The following SLC26A11 variants were observed in gnomAD, a reference collection of about 807,000 sequenced individuals.
SLC26A11 encodes sodium-independent sulfate anion transporter.
In SLC26A11, 58 loss-of-function variants were observed where a neutral mutation model predicts 62.2. That is an observed-to-expected ratio of 0.93 (90% CI 0.76 to 1.16). SLC26A11 has a LOEUF of 1.16. SLC26A11 is among the 50% of genes most tolerant of loss of function. The pLI, the probability that SLC26A11 is intolerant of heterozygous loss-of-function variation, is 0.00. For synonymous variants in SLC26A11, 411 were observed against 368.9 expected (o/e 1.11, Z -1.31); for missense variants, 790 against 794.3 (o/e 0.99, Z 0.06).
At chr17:80,237,734 A>G (rs2042738010) in intron 9 of SLC26A11, 140 bp downstream of exon 9, 1 of 770,224 alleles carries the variant, frequency 1.3e-6, no homozygotes, top group East Asian at 2.7e-5. Context: ...CATGATAGAT[A>G]CATATGTATT....
chr17:80,237,264 G>A (rs552634241), intron 8 of SLC26A11, 161 bp downstream of exon 8: 3 of 954,214 alleles, frequency 3.1e-6, no homozygotes, highest in Non-Finnish European at 4.5e-6. Context: ...ATCCCAGGTT[G>A]GATGCAAACT....
chr17:80,227,851 G>T lies in SLC26A11; in HGVS notation c.627G>T (p.Met209Ile), dbSNP rs750562857. 2.5e-6 allele frequency: 4 copies of T among 1,600,042 alleles called. No homozygotes were observed. The South Asian group carries it at 3.3e-5, about 13-fold the overall frequency. The change falls in exon 7 of 18, where the codon ATG becomes ATT. Residue 209 changes from methionine (M) to isoleucine (I), a missense_variant. Coordinates refer to ENST00000361193, the MANE Select transcript of SLC26A11 (RefSeq NM_001166347.2). ...VGDAVLGLVC[M>I]LLLLVLKLMR... ...ACGCCGTCCTGGGGCTGGTCTGCAT[G>T]CTGCTGCTGCTGGTGCTGAAGCTGA...
chr17:80,227,955 C>T lies in SLC26A11; in HGVS notation c.731C>T (p.Thr244Met), dbSNP rs756825706. Reference protein sequence around the residue: ...RLSRGLVWAATTARNALVVSF... With the variant: ...RLSRGLVWAAMTARNALVVSF... Reference sequence around the variant, plus strand: ...AGCCGTGGGCTGGTCTGGGCTGCCACGACAGGTGAGGGGCCTCTGGCTGAC... The same window carrying T: ...AGCCGTGGGCTGGTCTGGGCTGCCATGACAGGTGAGGGGCCTCTGGCTGAC... Residue 244 changes from threonine (T) to methionine (M), a missense_variant, in exon 7 of 18, where the codon ACG becomes ATG. Thr to Met is a moderately conservative substitution (Grantham distance 81). Coordinates refer to ENST00000361193, the MANE Select transcript of SLC26A11 (RefSeq NM_001166347.2). The T allele has an allele frequency of 1.0e-5, 16 of 1,599,702 alleles. No homozygotes were observed. The highest frequency in any genetic ancestry group is 3.3e-5 in the Admixed American group (2 of 59,954).
At chr17:80,249,725 G>A (rs1411698106) in intron 16 of SLC26A11, among the ~76,000 whole-genome samples, 3 of 151,216 alleles carry the variant, frequency 2.0e-5, no homozygotes, top group Non-Finnish European at 2.9e-5. Flanking sequence ...GGCCAACATG[G>A]TGAAACCCCG....
chr17:80,222,845 T>G lies in SLC26A11; in HGVS notation c.425T>G (p.Leu142Trp). The G allele has an allele frequency of 6.2e-7, 1 of 1,613,808 alleles. No homozygotes were observed. The highest frequency in any genetic ancestry group is 8.5e-7 in the Non-Finnish European group (1 of 1,179,840). ...CAGCTGGCCATGGGGGTCCTGCGTT[T>G]GGGTGAGGCTCTACCTTCTTGCCAA... ...CIQLAMGVLR[L>W]GFLLDFISYP... Residue 142 changes from leucine (L) to tryptophan (W), a missense_variant and splice_region_variant, in exon 4 of 18, where the codon TTG becomes TGG. Transcript: ENST00000361193. This position sits in a 1 kb window ranked among gnomAD's most constrained non-coding sequence, Gnocchi z 4.7.
chr17:80,243,382 C>A (rs1417078370), intron 10 of SLC26A11, among the ~76,000 whole-genome samples: 1 of 150,056 alleles, frequency 6.7e-6, no homozygotes, highest in Non-Finnish European at 1.5e-5. Context: ...GCATCCCATT[C>A]CCATTACTTT....
At position 80,248,611 on chromosome 17, in the gene SLC26A11, A is replaced by G. The variant is rs566876893; in HGVS notation, c.1459A>G (p.Ser487Gly). The G allele has an allele frequency of 1.5e-5, 24 of 1,590,884 alleles. No individual in the cohort carries two copies. The African/African-American group carries it at 2.0e-4, about 13-fold the overall frequency. The part of the protein sequence containing the change: ...EGPVLVLQPA[S>G]GLSFPAMEAL... Reference sequence around the variant, plus strand: ...GCCGGTTCTGGTCCTGCAGCCGGCCAGCGGCCTGTCCTTCCCTGCCATGGA... The same window carrying G: ...GCCGGTTCTGGTCCTGCAGCCGGCCGGCGGCCTGTCCTTCCCTGCCATGGA... Residue 487 changes from serine (S) to glycine (G), a missense_variant, in exon 15 of 18, where the codon AGC (serine) becomes GGC (glycine). By Grantham distance (56) the Ser-to-Gly change is moderately conservative. Transcript: ENST00000361193.
At chr17:80,249,484 GGCCCCCA>G (rs1373099191) in intron 16 of SLC26A11, among the ~76,000 whole-genome samples, 197 bp downstream of exon 16, 1 of 152,220 alleles carries the variant, frequency 6.6e-6, no homozygotes, top group East Asian at 1.9e-4. Context: ...GGGGAGCGGT[GGCCCCCA>G]GCCCTCCGAG....
intron 14 of SLC26A11, 133 bp from the exon 15 acceptor site, chr17:80,248,442 G>T (rs1598844015): frequency 8.0e-7 from 1 of 1,250,186 alleles, no homozygotes; most frequent in African/African-American, 1.5e-5. Flanking sequence ...GGCCATGGGG[G>T]TCTCCCCTTA....
intron 6 of SLC26A11, 110 bp downstream of exon 6, chr17:80,226,026 C>T: frequency 2.1e-6 from 2 of 934,892 alleles, no homozygotes; most frequent in Non-Finnish European, 3.4e-6. Flanking sequence ...AAACAGGGGT[C>T]CCCAGAGCAG....
At position 80,252,565 on chromosome 17, in the gene SLC26A11, A is replaced by C; in HGVS notation, c.1730-60A>C. 1 of 1,537,302 alleles carries C rather than the reference A, an allele frequency of 6.5e-7. No individual in the cohort carries two copies. Reference sequence around the variant, plus strand: ...GGCCCTCCTTAATCCCTTCCTGTGAACTGACCCATCCTCACTTCTGAGCTT... The same window carrying C: ...GGCCCTCCTTAATCCCTTCCTGTGACCTGACCCATCCTCACTTCTGAGCTT... On this transcript the variant is annotated intron_variant, in intron 17 of 17. Coordinates refer to ENST00000361193, the MANE Select transcript of SLC26A11 (RefSeq NM_001166347.2). The surrounding 1 kb of genome is among the most constrained non-coding windows in gnomAD (Gnocchi z 5.2).
At position 80,224,599 on chromosome 17, in the gene SLC26A11, G is replaced by C. The variant is rs571003137; in HGVS notation, c.514-1238G>C. ...TTATCATTATTTCCATTTGAGAGAG[G>C]AGGGACCAACTTAGGTGTGGGTGAG... is the stretch of plus-strand genomic sequence containing the variant. On this transcript the variant is annotated intron_variant, in intron 5 of 17. Transcript: ENST00000361193. Among the ~76,000 whole-genome samples, 53 of 152,268 alleles carry C rather than the reference G, an allele frequency of 3.5e-4. 1 individual carries two copies. The South Asian group carries it at 6.0e-3, about 17-fold the overall frequency.
chr17:80,248,278 A>G, intron 14 of SLC26A11, 21 bp downstream of exon 14: 1 of 1,600,702 alleles, frequency 6.2e-7, no homozygotes, highest in Non-Finnish European at 8.5e-7. Flanking sequence ...GTGGCCTCTG[A>G]GTGGGGAGTG....
Position 80,222,399 on chromosome 17 carries a change from C to T in SLC26A11, c.235-256C>T, listed in dbSNP as rs543334631. 1.5e-3 allele frequency: 588 copies of T among 401,994 alleles called. 2 individuals are homozygous for T. The highest frequency in any genetic ancestry group is 9.7e-3 in the African/African-American group (464 of 47,900). 24.9% of individuals were successfully genotyped at this position (401,994 alleles called of 1,614,324 possible). On this transcript the variant is annotated intron_variant, in intron 3 of 17. Transcript: ENST00000361193. This position sits in a 1 kb window ranked among gnomAD's most constrained non-coding sequence, Gnocchi z 4.7. ...TCAAAAAAAAAAAAAAAGAATGCTT[C>T]CTCAGACTTGGACACAGCACACGGG...
chr17:80,224,863 C>T (rs118076380), intron 5 of SLC26A11, among the ~76,000 whole-genome samples: 7,075 of 152,082 alleles, frequency 0.047, 240 homozygotes, highest in Non-Finnish European at 0.07. Flanking sequence ...GGGGGAGGGG[C>T]GTCCTCCTGA....
rs2043189063 is a variant in SLC26A11, at chr17:80,252,966, T to G, written c.*250T>G. 1 of 391,296 alleles carries G rather than the reference T, an allele frequency of 2.6e-6. No individual in the cohort carries two copies. The highest frequency in any genetic ancestry group is 4.7e-6 in the Non-Finnish European group (1 of 211,646). The allele number at this position is 391,296 out of a possible 1,614,324, so 24.2% of individuals were successfully genotyped here. On this transcript the variant is annotated 3_prime_UTR_variant, in exon 18 of 18. Transcript: ENST00000361193. This position sits in a 1 kb window ranked among gnomAD's most constrained non-coding sequence, Gnocchi z 5.2. ...CCTGGCATGACCCTCTTTGGAAGAG[T>G]GGTTTGGAGAGAGCCTTCTAGAATG...
At chr17:80,221,898 C>A in intron 3 of SLC26A11, 104 bp downstream of exon 3, 1 of 1,199,816 alleles carries the variant, frequency 8.3e-7, no homozygotes, top group Non-Finnish European at 1.1e-6. Flanking sequence ...AGCCCCTGGG[C>A]CCCAAGGAAC....
At chr17:80,247,279 T>C (rs915660973) in intron 13 of SLC26A11, among the ~76,000 whole-genome samples, 19 of 152,138 alleles carry the variant, frequency 1.2e-4, no homozygotes, top group Middle Eastern at 3.4e-3. Flanking sequence ...GATTTCTCAA[T>C]CTTTTCCCCA....
At chr17:80,242,986 C>G (rs1016485521) in intron 10 of SLC26A11, among the ~76,000 whole-genome samples, 3 of 152,162 alleles carry the variant, frequency 2.0e-5, no homozygotes, top group African/African-American at 7.2e-5. Flanking sequence ...GGATTACAGG[C>G]GTGAGCCACC....
Sources: gnomAD v4.1 joint callset for allele counts (sites outside exome capture counted in the v4.1 genomes callset) on GRCh38, gnomAD v4.1.1 for gene constraint, Gnocchi (gnomAD v3.1) non-coding constraint, MANE v1.5 for transcripts, NCBI Gene and HGNC (gene_info 2026-07-23, HGNC 2026-07-21) for gene names.